Variants in WDR7 observed in about 807,000 individuals in gnomAD.
WDR7 encodes the protein WD repeat-containing protein 7.
Under a neutral mutation model 169.4 loss-of-function variants are expected in WDR7, and 46 were observed. That is an observed-to-expected ratio of 0.27 (90% CI 0.21 to 0.35). The LOEUF (loss-of-function observed/expected upper bound fraction) is 0.35. WDR7 is among the 10% of genes least tolerant of loss of function. The probability of loss-of-function intolerance (pLI) is 1.00; values close to 1 mark genes in which losing one functional copy is unlikely to be tolerated. For synonymous variants in WDR7, 612 were observed against 666.8 expected (o/e 0.92, Z 1.27); for missense variants, 1,534 against 1,859.3 (o/e 0.83, Z 3.22).
intron 20 of WDR7, among the ~76,000 whole-genome samples, chr18:56,839,444 C>T (rs2045447081): frequency 6.6e-6 from 1 of 152,076 alleles, no homozygotes; most frequent in African/African-American, 2.4e-5. Context: ...ACTTATAAGA[C>T]TCAACTTATA....
intron 26 of WDR7, among the ~76,000 whole-genome samples, chr18:56,963,917 A>G (rs1246733392): frequency 2.0e-5 from 3 of 151,896 alleles, no homozygotes; most frequent in Non-Finnish European, 4.4e-5. Flanking sequence ...GAAATAAACC[A>G]CAAGCATCTA....
intron 12 of WDR7, among the ~76,000 whole-genome samples, chr18:56,709,150 A>C (rs2026028575): frequency 6.6e-6 from 1 of 152,214 alleles, no homozygotes; most frequent in South Asian, 2.1e-4. Flanking sequence ...GAGGAGTTGT[A>C]TTTTATTTAT....
intron 26 of WDR7, among the ~76,000 whole-genome samples, chr18:56,968,172 C>G (rs904702521): frequency 1.2e-4 from 18 of 150,814 alleles, no homozygotes; most frequent in African/African-American, 4.1e-4. Flanking sequence ...TTCTCTATAT[C>G]AAATTATTAA....
At chr18:57,035,362 C>G in the WDR7 span, 1 of 152,296 alleles carries the variant, frequency 6.6e-6, no homozygotes, top group Non-Finnish European at 1.5e-5. Flanking sequence ...ATTGAACAAC[C>G]CGCAAGGACC....
intron 1 of WDR7, among the ~76,000 whole-genome samples, chr18:56,671,580 GT>G (rs1483863547): frequency 6.6e-6 from 1 of 152,124 alleles, no homozygotes; most frequent in East Asian, 1.9e-4. Flanking sequence ...CCTGAACAGA[GT>G]TTTGAAAATG....
chr18:57,028,826 T>C lies in WDR7; in HGVS notation c.*1619T>C, dbSNP rs2048405767. The C allele has an allele frequency of 6.6e-6, 1 of 152,640 alleles. No individual in the cohort carries two copies. Among genetic ancestry groups the C allele is most frequent in the Non-Finnish European group, 1.5e-5 (1 of 68,032 alleles). 9.5% of individuals were successfully genotyped at this position (152,640 alleles called of 1,614,324 possible). The stretch of plus-strand genomic sequence containing the variant: ...TCTATACTGTTCCTTGGTTTTAGAG[T>C]TGGGTATTCTTTCAAAAGTGAATTT... On this transcript the variant is annotated 3_prime_UTR_variant, in exon 28 of 28. Transcript: ENST00000254442.
At chr18:56,843,111 C>T (rs1023301468) in intron 20 of WDR7, among the ~76,000 whole-genome samples, 3 of 152,078 alleles carry the variant, frequency 2.0e-5, no homozygotes, top group Non-Finnish European at 4.4e-5. Context: ...TTGAAAGTCC[C>T]CTTTCTTACA....
downstream of WDR7, chr18:57,031,822 C>T (rs533957868): frequency 6.6e-6 from 1 of 152,284 alleles, no homozygotes; most frequent in African/African-American, 2.4e-5. Flanking sequence ...CATTGTATTG[C>T]ACCTGTCAAA....
chr18:56,747,579 G>C (rs994348494), intron 14 of WDR7, among the ~76,000 whole-genome samples: 1 of 152,078 alleles, frequency 6.6e-6, no homozygotes, highest in African/African-American at 2.4e-5. Flanking sequence ...TCATTGTGTT[G>C]AGCCTTTTAC....
intron 26 of WDR7, among the ~76,000 whole-genome samples, chr18:56,977,616 A>G (rs751184499): frequency 3.9e-5 from 6 of 152,246 alleles, no homozygotes; most frequent in African/African-American, 2.4e-5. Context: ...TTACTTAAGT[A>G]ATTCTGCTCC....
At chr18:56,913,263 C>T (rs75491790) in intron 21 of WDR7, among the ~76,000 whole-genome samples, 1 of 152,048 alleles carries the variant, frequency 6.6e-6, no homozygotes, top group African/African-American at 2.4e-5. Flanking sequence ...ATGTTTGATG[C>T]GTATCTAAAG....
intron 11 of WDR7, 22 bp downstream of exon 11, chr18:56,695,220 G>A (rs1216049267): frequency 3.1e-6 from 5 of 1,600,380 alleles, no homozygotes; most frequent in South Asian, 1.1e-5. Context: ...AGCTCCGTAT[G>A]TCTAAAGTGT....
intron 21 of WDR7, among the ~76,000 whole-genome samples, chr18:56,918,269 A>C (rs1420529090): frequency 6.6e-6 from 1 of 152,204 alleles, no homozygotes; most frequent in Non-Finnish European, 1.5e-5. Context: ...GACATGAATA[A>C]TGCTGAATTC....
chr18:56,944,050 G>A (rs138295329), intron 25 of WDR7, among the ~76,000 whole-genome samples: 1,712 of 139,800 alleles, frequency 0.012, 47 homozygotes, highest in African/African-American at 0.047. Context: ...GTGCAGTGGC[G>A]CAATCTCGGC....
At chr18:56,658,142 C>T (rs765560147) in intron 1 of WDR7, among the ~76,000 whole-genome samples, 4 of 152,104 alleles carry the variant, frequency 2.6e-5, no homozygotes, top group South Asian at 4.1e-4. Context: ...CTCGCTCTGT[C>T]GCCCAGGCTA....
intron 16 of WDR7, among the ~76,000 whole-genome samples, chr18:56,763,961 T>A (rs1599025554): frequency 1.3e-5 from 2 of 152,252 alleles, no homozygotes; most frequent in South Asian, 4.1e-4. Flanking sequence ...TTGATCAGTC[T>A]GTCTTGTAGT....
At chr18:56,921,871 A>T (rs1250329328) in intron 21 of WDR7, among the ~76,000 whole-genome samples, 2 of 152,220 alleles carry the variant, frequency 1.3e-5, no homozygotes, top group African/African-American at 4.8e-5. Flanking sequence ...AGAGGCCCTT[A>T]GGAATCAGTC....
intron 14 of WDR7, among the ~76,000 whole-genome samples, chr18:56,732,627 A>T (rs2026612102): frequency 6.6e-6 from 1 of 152,188 alleles, no homozygotes; most frequent in Non-Finnish European, 1.5e-5. Context: ...TTCCCTCAAG[A>T]TATAAATGTT....
chr18:56,718,882 T>C (rs2026252896), intron 13 of WDR7, among the ~76,000 whole-genome samples: 1 of 152,266 alleles, frequency 6.6e-6, no homozygotes, highest in Admixed American at 6.5e-5. Flanking sequence ...TTTCTTCGTC[T>C]TTGTTTTAAA....
Sources: gnomAD v4.1 joint callset for allele counts (sites outside exome capture counted in the v4.1 genomes callset) on GRCh38, gnomAD v4.1.1 for gene constraint, MANE v1.5 for transcripts, NCBI Gene and HGNC (gene_info 2026-07-23, HGNC 2026-07-21) for gene names.